LPP: variants seen among roughly 807,000 people sequenced by gnomAD.
The protein encoded by LPP is lipoma-preferred partner.
A neutral mutation model predicts 60.4 loss-of-function variants in LPP; 38 were observed. The ratio of observed to expected loss-of-function variants is 0.63; its 90% confidence interval spans 0.49 to 0.83. LPP has a LOEUF of 0.83. LPP is among the 40% of genes least tolerant of loss of function. The probability of loss-of-function intolerance (pLI) is 0.00; values close to 1 mark genes in which losing one functional copy is unlikely to be tolerated. For synonymous variants in LPP, 328 were observed against 290.8 expected (o/e 1.13, Z -1.30); for missense variants, 902 against 783.6 (o/e 1.15, Z -1.80).
intron 7 of LPP, among the ~76,000 whole-genome samples, chr3:188,621,236 C>T (rs576118569): frequency 9.5e-4 from 143 of 150,554 alleles, no homozygotes; most frequent in Middle Eastern, 3.4e-3. Context: ...ACAGGGGATA[C>T]GTGTGTGGGA....
intron 6 of LPP, among the ~76,000 whole-genome samples, chr3:188,567,597 TATC>T (rs1433938460): frequency 6.6e-6 from 1 of 151,942 alleles, no homozygotes; most frequent in Admixed American, 6.6e-5. Flanking sequence ...ATGATGCTGT[TATC>T]ATCATTGCCT....
chr3:188,628,413 G>A (rs1008704436), intron 7 of LPP, among the ~76,000 whole-genome samples: 11 of 151,284 alleles, frequency 7.3e-5, no homozygotes, highest in African/African-American at 2.7e-4. Flanking sequence ...ATGACAAAGG[G>A]TACATTACCA....
At chr3:188,311,211 C>T (rs1753294708) in intron 2 of LPP, among the ~76,000 whole-genome samples, 2 of 151,350 alleles carry the variant, frequency 1.3e-5, no homozygotes, top group Non-Finnish European at 2.9e-5. Flanking sequence ...TCTCTGTCTA[C>T]TGTCAAATCC....
chr3:188,495,142 TATA>T (rs1458647568), intron 5 of LPP, among the ~76,000 whole-genome samples: 8 of 131,190 alleles, frequency 6.1e-5, no homozygotes, highest in African/African-American at 1.9e-4. Context: ...ATTATATATT[TATA>T]TTATATTTAT....
At chr3:188,658,006 T>C (rs1853686642) in intron 7 of LPP, among the ~76,000 whole-genome samples, 1 of 152,190 alleles carries the variant, frequency 6.6e-6, no homozygotes. Context: ...TTTGTGACTG[T>C]GTTGGGATTA....
intron 1 of LPP, chr3:188,179,259 C>T (rs1383649608): frequency 2.0e-5 from 9 of 458,086 alleles, no homozygotes; most frequent in Admixed American, 1.2e-4. Context: ...CCTTGCATTG[C>T]CCCCTGTCTT....
rs188711172 is a variant in LPP at position 188,483,132 on chromosome 3, G to A, written c.194-1460G>A. Among the ~76,000 whole-genome samples, 323 of 152,260 alleles carry A rather than the reference G, an allele frequency of 2.1e-3. 4 individuals carry two copies. Among genetic ancestry groups the A allele is most frequent in the Middle Eastern group, 0.01 (3 of 294 alleles). ...TGCGAGTCTAGTAAGCGGAGTACTC[G>A]AGAGATAGTGCTTTTGATTGCTTAG... is the stretch of plus-strand genomic sequence containing the variant. On this transcript the variant is annotated intron_variant, in intron 4 of 11. Coordinates refer to ENST00000617246, the MANE Select transcript of LPP (RefSeq NM_001375462.1).
intron 7 of LPP, among the ~76,000 whole-genome samples, chr3:188,620,660 A>G (rs1845642311): frequency 6.6e-6 from 1 of 152,152 alleles, no homozygotes. Context: ...TTGGGTATAC[A>G]CCTAAAAGTG....
intron 2 of LPP, among the ~76,000 whole-genome samples, chr3:188,282,098 C>T (rs1019186183): frequency 6.6e-6 from 1 of 151,814 alleles, no homozygotes; most frequent in East Asian, 1.9e-4. Flanking sequence ...TCTTACCGTT[C>T]GTCTCCTTTT....
intron 9 of LPP, among the ~76,000 whole-genome samples, chr3:188,848,314 G>A (rs1761964464): frequency 6.6e-6 from 1 of 152,192 alleles, no homozygotes. Context: ...CAGCTCCAAT[G>A]AGAGGCAATT....
intron 7 of LPP, among the ~76,000 whole-genome samples, chr3:188,667,414 C>T (rs929546935): frequency 5.3e-5 from 8 of 150,200 alleles, no homozygotes; most frequent in African/African-American, 2.0e-4. Context: ...AGAGGTGGAG[C>T]TTGCAGTGAG....
intron 9 of LPP, among the ~76,000 whole-genome samples, chr3:188,854,061 A>G (rs1420256823): frequency 6.6e-6 from 1 of 152,182 alleles, no homozygotes; most frequent in African/African-American, 2.4e-5. Flanking sequence ...CTGTGCTGAA[A>G]TCCAAAAAAG....
Position 188,372,099 on chromosome 3 carries a change from T to C in LPP, c.-10+30380T>C, listed in dbSNP as rs373777953. Reference sequence around the variant, plus strand: ...ATGGGAGAGTGAGCTTAGACAGAGATGCCTCTCATATAAGGTAGAAAGCCT... The same window carrying C: ...ATGGGAGAGTGAGCTTAGACAGAGACGCCTCTCATATAAGGTAGAAAGCCT... On this transcript the variant is annotated intron_variant, in intron 3 of 11. Coordinates refer to ENST00000617246, the MANE Select transcript of LPP (RefSeq NM_001375462.1). 2.0e-5 allele frequency among the ~76,000 whole-genome samples: 3 copies of C among 151,876 alleles called. No homozygotes were observed. The East Asian group carries it at 5.8e-4, about 29-fold the overall frequency.
chr3:188,241,093 G>A (rs1224462197), intron 2 of LPP, among the ~76,000 whole-genome samples: 1 of 152,234 alleles, frequency 6.6e-6, no homozygotes. Context: ...TCAGGGAAGT[G>A]TCAATAGAGG....
chr3:188,308,013 G>A (rs997611503), intron 2 of LPP, among the ~76,000 whole-genome samples: 3 of 152,060 alleles, frequency 2.0e-5, no homozygotes, highest in Admixed American at 6.6e-5. Flanking sequence ...GTTTGGACAC[G>A]ATTTTTAGTG....
chr3:188,589,104 G>C (rs555063116), intron 6 of LPP, among the ~76,000 whole-genome samples: 1 of 151,900 alleles, frequency 6.6e-6, no homozygotes, highest in Non-Finnish European at 1.5e-5. Context: ...TAATAGATAG[G>C]GGAGAGGGTG....
rs189436420 is a variant in LPP at position 188,812,095 on chromosome 3, G to A, written c.1410+51813G>A. Among the ~76,000 whole-genome samples the A allele has an allele frequency of 7.2e-5, 11 of 152,166 alleles. No homozygotes were observed. The East Asian group carries it at 2.1e-3, about 29-fold the overall frequency. Reference sequence around the variant, plus strand: ...TATTCCCTTACGTTCCTCCTGGTCTGTTCCTAGGTCAAGGTTGAGTACGTT... The same window carrying A: ...TATTCCCTTACGTTCCTCCTGGTCTATTCCTAGGTCAAGGTTGAGTACGTT... On this transcript the variant is annotated intron_variant, in intron 9 of 11. Transcript: ENST00000617246.
chr3:188,185,635 A>G (rs1726372608), intron 1 of LPP, among the ~76,000 whole-genome samples: 1 of 151,920 alleles, frequency 6.6e-6, no homozygotes, highest in Admixed American at 6.6e-5. Context: ...TGTAATTTCT[A>G]CCTTCCAGAA....
At chr3:188,679,327 GTTTT>G (rs147279802) in intron 7 of LPP, among the ~76,000 whole-genome samples, 19 of 148,976 alleles carry the variant, frequency 1.3e-4, no homozygotes, top group African/African-American at 4.7e-4. Context: ...AAGTTCACTT[GTTTT>G]TTTTTTATTT....
Sources: allele counts gnomAD v4.1 joint callset (sites outside exome capture counted in the v4.1 genomes callset), GRCh38; gene constraint gnomAD v4.1.1; transcripts MANE v1.5; gene names NCBI Gene and HGNC (gene_info 2026-07-23, HGNC 2026-07-21).